The following ME3 variants were observed in gnomAD, a reference collection of about 807,000 sequenced individuals.
ME3 encodes malic enzyme 3.
Under a neutral mutation model 68.9 loss-of-function variants are expected in ME3, and 48 were observed. That is an observed-to-expected ratio of 0.70 (90% CI 0.55 to 0.89). The LOEUF (loss-of-function observed/expected upper bound fraction) is 0.89. ME3 is among the 40% of genes least tolerant of loss of function. ME3 has a pLI of 0.00. For synonymous variants in ME3, 320 were observed against 318.8 expected (o/e 1.00, Z -0.04); for missense variants, 675 against 797.4 (o/e 0.85, Z 1.85).
intron 2 of ME3, among the ~76,000 whole-genome samples, chr11:86,562,286 C>T (rs1006491171): frequency 6.6e-6 from 1 of 152,136 alleles, no homozygotes; most frequent in African/African-American, 2.4e-5. Context: ...GTTTGTTTCT[C>T]CACTTATTGA....
chr11:86,639,410 C>T (rs1363507252), intron 2 of ME3, among the ~76,000 whole-genome samples: 3 of 152,160 alleles, frequency 2.0e-5, no homozygotes, highest in Non-Finnish European at 4.4e-5. Flanking sequence ...AACCTCCTAC[C>T]CAAATATTCA....
Position 86,517,648 on chromosome 11 carries a change from A to G in ME3, c.468-8781T>C, listed in dbSNP as rs116533113. 7.0e-3 allele frequency among the ~76,000 whole-genome samples: 1,072 copies of G among 152,238 alleles called. 11 individuals are homozygous for G. Among genetic ancestry groups the G allele is most frequent in the African/African-American group, 0.025 (1,033 of 41,528 alleles). ...CTGTTCTTTCAACAGACCTCTGGCA[A>G]TGAGAGCAAAGGAAAAGAATTCCTT... On this transcript the variant is annotated intron_variant, in intron 4 of 14. Coordinates refer to ENST00000543262, the Ensembl canonical transcript of ME3.
intron 4 of ME3, among the ~76,000 whole-genome samples, chr11:86,521,431 A>ATAATAATAATAATAATAATAATAATAAT (rs1555221577): frequency 3.4e-5 from 5 of 145,924 alleles, no homozygotes; most frequent in African/African-American, 7.7e-5. Flanking sequence ...AACAAAACAA[A>ATAATAATAATAATAATAATAATAATAAT]AATAATAATA....
At chr11:86,576,739 G>A (rs1958139543) in intron 2 of ME3, among the ~76,000 whole-genome samples, 1 of 152,174 alleles carries the variant, frequency 6.6e-6, no homozygotes, top group African/African-American at 2.4e-5. Flanking sequence ...CTTGCTGTGT[G>A]CTTCTTCATT....
chr11:86,497,920 C>T (rs766329788), intron 6 of ME3, 43 bp downstream of exon 6: 23 of 1,538,646 alleles, frequency 1.5e-5, no homozygotes, highest in Non-Finnish European at 1.6e-5. Context: ...GTCCCAGTTG[C>T]CACCTTTTGG....
rs556532286 is a variant in ME3 at position 86,602,138 on chromosome 11, C to T, written c.184-42315G>A. ...GCAGGAGAAGGAAATAAAGGGTATT[C>T]GGTTAGGAAAAGAGGAAGTCAAATT... On this transcript the variant is annotated intron_variant, in intron 2 of 14. Coordinates refer to ENST00000543262, the Ensembl canonical transcript of ME3. Among the ~76,000 whole-genome samples, 433 of 151,570 alleles carry T rather than the reference C, an allele frequency of 2.9e-3. 1 individual carries two copies. The highest frequency in any genetic ancestry group is 0.01 in the African/African-American group (417 of 41,242).
At chr11:86,506,434 C>T (rs1953079707) in intron 5 of ME3, among the ~76,000 whole-genome samples, 1 of 152,198 alleles carries the variant, frequency 6.6e-6, no homozygotes, top group Admixed American at 6.5e-5. Context: ...ATGTTTTTCT[C>T]ATTTTGCATT....
chr11:86,595,754 T>A (rs969418020), intron 2 of ME3, among the ~76,000 whole-genome samples: 11 of 152,294 alleles, frequency 7.2e-5, no homozygotes, highest in African/African-American at 2.4e-4. Flanking sequence ...TGCATATGGG[T>A]TGATGTGTAA....
intron 7 of ME3, among the ~76,000 whole-genome samples, chr11:86,481,455 T>C (rs985325295): frequency 6.6e-6 from 1 of 152,146 alleles, no homozygotes; most frequent in Non-Finnish European, 1.5e-5. Context: ...TTCTGTGGCA[T>C]AGGAGCCTGA....
At chr11:86,498,346 G>C (rs1952502443) in intron 5 of ME3, among the ~76,000 whole-genome samples, 5 of 152,202 alleles carry the variant, frequency 3.3e-5, no homozygotes, top group African/African-American at 1.2e-4. Context: ...ATGGCAGAAA[G>C]ATGCCTGCCT....
intron 7 of ME3, among the ~76,000 whole-genome samples, chr11:86,482,601 A>T (rs1951473844): frequency 1.3e-5 from 2 of 149,270 alleles, no homozygotes; most frequent in African/African-American, 2.5e-5. Flanking sequence ...TGGACCTATG[A>T]TTTGCTTCAA....
At chr11:86,478,187 G>A (rs780619819) in intron 7 of ME3, among the ~76,000 whole-genome samples, 3 of 151,922 alleles carry the variant, frequency 2.0e-5, no homozygotes, top group Non-Finnish European at 4.4e-5. Context: ...ACTACCATTG[G>A]TAGAGATGTT....
At chr11:86,670,781 G>A (rs538598334) in intron 2 of ME3, among the ~76,000 whole-genome samples, 38 of 152,126 alleles carry the variant, frequency 2.5e-4, no homozygotes, top group Non-Finnish European at 5.4e-4. Flanking sequence ...TTATTTTGCA[G>A]TAATTGTTAT....
chr11:86,504,582 C>T (rs544435479), intron 5 of ME3, among the ~76,000 whole-genome samples: 66 of 151,876 alleles, frequency 4.3e-4, no homozygotes, highest in South Asian at 4.2e-3. Flanking sequence ...TTAGAAGAGA[C>T]GGGGTTTTAC....
chr11:86,653,295 A>T (rs923654547), intron 2 of ME3, among the ~76,000 whole-genome samples: 15 of 151,992 alleles, frequency 9.9e-5, no homozygotes, highest in African/African-American at 3.1e-4. Context: ...ATTATACATT[A>T]TTTTCAGCAC....
intron 2 of ME3, among the ~76,000 whole-genome samples, chr11:86,578,196 G>GAGGGTCATGAA (rs1958227532): frequency 6.6e-6 from 1 of 152,144 alleles, no homozygotes; most frequent in South Asian, 2.1e-4. Flanking sequence ...CTTCCCAAGA[G>GAGGGTCATGAA]ACTATTATTT....
chr11:86,549,015 C>A lies in ME3; in HGVS notation c.467+7538G>T, dbSNP rs376799700. On this transcript the variant is annotated intron_variant, in intron 4 of 14. Transcript: ENST00000543262. Reference sequence around the variant, plus strand: ...CCTGGACTTCGTTGATACGTAAATTCTCTGGTCCCATCCCAGACTTGCTCA... The same window carrying A: ...CCTGGACTTCGTTGATACGTAAATTATCTGGTCCCATCCCAGACTTGCTCA... Among the ~76,000 whole-genome samples the A allele has an allele frequency of 2.6e-5, 4 of 152,340 alleles. 1 individual carries two copies. The highest frequency in any genetic ancestry group is 9.6e-5 in the African/African-American group (4 of 41,580).
At chr11:86,565,778 C>G (rs912552123) in intron 2 of ME3, among the ~76,000 whole-genome samples, 5 of 152,118 alleles carry the variant, frequency 3.3e-5, no homozygotes, top group Admixed American at 6.5e-5. Flanking sequence ...TTTTCATTCT[C>G]TTGGCAGTGT....
chr11:86,588,494 A>G (rs1958866822), intron 2 of ME3, among the ~76,000 whole-genome samples: 1 of 152,226 alleles, frequency 6.6e-6, no homozygotes, highest in Non-Finnish European at 1.5e-5. Flanking sequence ...ATGTCCTACC[A>G]AGGCTCCTAA....
Sources: gnomAD v4.1 joint callset for allele counts (sites outside exome capture counted in the v4.1 genomes callset) on GRCh38, gnomAD v4.1.1 for gene constraint, MANE v1.5 for transcripts, NCBI Gene and HGNC (gene_info 2026-07-23, HGNC 2026-07-21) for gene names.